The following GREB1L variants were observed in gnomAD, a reference collection of about 807,000 sequenced individuals.
GREB1L encodes GREB1-like protein.
GREB1L carries 17 observed loss-of-function variants against 200.8 expected under a neutral mutation model. The ratio of observed to expected loss-of-function variants is 0.08; its 90% CI spans 0.06 to 0.13. GREB1L has a LOEUF of 0.13. GREB1L is among the 10% of genes least tolerant of loss of function. GREB1L has a pLI of 1.00. For synonymous variants in GREB1L, 789 were observed against 893.0 expected, an observed-to-expected ratio of 0.88 and a Z score of 2.08; for missense variants, 1,657 against 2,367.7, an observed-to-expected ratio of 0.70 and a Z score of 6.23.
chr18:21,414,109 T>C (rs185643938), intron 7 of GREB1L, among the ~76,000 whole-genome samples: 174 of 152,266 alleles, frequency 1.1e-3, no homozygotes, highest in African/African-American at 4.0e-3. Context: ...AGTCAAGATA[T>C]TCACTGCAGT....
chr18:21,309,426 G>A (rs1472032181), intron 1 of GREB1L, among the ~76,000 whole-genome samples: 4 of 152,182 alleles, frequency 2.6e-5, no homozygotes, highest in Non-Finnish European at 5.9e-5. Flanking sequence ...GCATCATTAT[G>A]TGAGAGTGTT....
intron 1 of GREB1L, among the ~76,000 whole-genome samples, chr18:21,244,627 A>T (rs2037565964): frequency 6.6e-6 from 1 of 152,222 alleles, no homozygotes; most frequent in Admixed American, 6.5e-5. Flanking sequence ...GATGTTAGAC[A>T]GTGGGGCGAC....
At chr18:21,282,612 T>C (rs2038287765) in intron 1 of GREB1L, among the ~76,000 whole-genome samples, 1 of 152,134 alleles carries the variant, frequency 6.6e-6, no homozygotes, top group Non-Finnish European at 1.5e-5. Context: ...TACTTTTTTT[T>C]TTTTTGAGAC....
chr18:21,522,197 G>A (rs2037615125), intron 32 of GREB1L, among the ~76,000 whole-genome samples: 1 of 151,908 alleles, frequency 6.6e-6, no homozygotes, highest in Admixed American at 6.6e-5. Context: ...TTTGGGCTGG[G>A]CGCAGTGGCT....
intron 2 of GREB1L, among the ~76,000 whole-genome samples, chr18:21,373,101 T>C (rs1175380745): frequency 6.6e-6 from 1 of 152,082 alleles, no homozygotes; most frequent in Non-Finnish European, 1.5e-5. Context: ...GAATGCTTCC[T>C]AGGTGGTGAG....
At chr18:21,464,916 T>C (rs2035207564) in intron 15 of GREB1L, among the ~76,000 whole-genome samples, 1 of 152,228 alleles carries the variant, frequency 6.6e-6, no homozygotes, top group Admixed American at 6.5e-5. Flanking sequence ...TCAGGGAGGC[T>C]GTTGGTTATT....
intron 1 of GREB1L, among the ~76,000 whole-genome samples, chr18:21,293,872 C>T (rs1484876725): frequency 3.3e-5 from 5 of 152,108 alleles, no homozygotes; most frequent in Non-Finnish European, 4.4e-5. Context: ...TTCTGTCTCC[C>T]GGGTTCGAGT....
At chr18:21,393,201 C>T (rs1275219100) in intron 4 of GREB1L, among the ~76,000 whole-genome samples, 2 of 152,086 alleles carry the variant, frequency 1.3e-5, no homozygotes, top group Non-Finnish European at 2.9e-5. Context: ...CATGGTTTTT[C>T]CCTACTTTGT....
chr18:21,459,919 C>G (rs2034965626), intron 15 of GREB1L, among the ~76,000 whole-genome samples: 2 of 152,110 alleles, frequency 1.3e-5, no homozygotes, highest in African/African-American at 4.8e-5. Context: ...ATACCCAGCT[C>G]TCAGTACCTT....
At chr18:21,475,154 G>A (rs2035636986) in intron 16 of GREB1L, among the ~76,000 whole-genome samples, 1 of 152,146 alleles carries the variant, frequency 6.6e-6, no homozygotes, top group African/African-American at 2.4e-5. Context: ...AGATGAATGA[G>A]CTCCTGGAAG....
rs148437063 is a variant in GREB1L at position 21,305,121 on chromosome 18, G to A, written c.-119-60906G>A. ...CTCCCGAGTAGCTGGGACTACAGGTGCCCACCACCATGCCCAGATAATTTC... is the reference window on the plus strand; with the variant it reads ...CTCCCGAGTAGCTGGGACTACAGGTACCCACCACCATGCCCAGATAATTTC... On this transcript the variant is annotated intron_variant, in intron 1 of 32. Transcript: ENST00000424526. Among the ~76,000 whole-genome samples the A allele has an allele frequency of 3.2e-3, 480 of 151,960 alleles. 3 individuals are homozygous for A. Among genetic ancestry groups the A allele is most frequent in the Non-Finnish European group, 3.0e-3 (205 of 67,944 alleles).
At chr18:21,345,490 A>C (rs1391487614) in intron 1 of GREB1L, among the ~76,000 whole-genome samples, 1 of 152,188 alleles carries the variant, frequency 6.6e-6, no homozygotes, top group African/African-American at 2.4e-5. Context: ...GATTCCTGGC[A>C]CCATCACTTG....
intron 7 of GREB1L, among the ~76,000 whole-genome samples, chr18:21,437,117 CAG>C: frequency 6.6e-6 from 1 of 152,110 alleles, no homozygotes; most frequent in East Asian, 1.9e-4. Context: ...ATTGTAGAGA[CAG>C]TGTTTCCCCA....
intron 7 of GREB1L, among the ~76,000 whole-genome samples, chr18:21,430,469 C>T (rs980765015): frequency 2.7e-5 from 4 of 150,252 alleles, no homozygotes; most frequent in African/African-American, 4.9e-5. Context: ...ATTTCTGTTG[C>T]TGTCGATTGT....
At chr18:21,348,105 C>T (rs571202041) in intron 1 of GREB1L, among the ~76,000 whole-genome samples, 35 of 151,780 alleles carry the variant, frequency 2.3e-4, no homozygotes, top group African/African-American at 8.2e-4. Context: ...CCACCATGCC[C>T]GGCTAATTTT....
chr18:21,330,737 A>G (rs1360245436), intron 1 of GREB1L, among the ~76,000 whole-genome samples: 1 of 152,210 alleles, frequency 6.6e-6, no homozygotes, highest in African/African-American at 2.4e-5. Flanking sequence ...TGAGTCTGAA[A>G]AAAAAAATTT....
intron 1 of GREB1L, among the ~76,000 whole-genome samples, chr18:21,294,834 A>G (rs751586703): frequency 1.6e-4 from 25 of 152,150 alleles, no homozygotes; most frequent in Non-Finnish European, 3.2e-4. Context: ...GGAAGACACA[A>G]GGACTGGAGA....
chr18:21,405,064 G>A (rs546809172), intron 7 of GREB1L, among the ~76,000 whole-genome samples: 1 of 152,288 alleles, frequency 6.6e-6, no homozygotes, highest in South Asian at 2.1e-4. Flanking sequence ...TTTCTTTGGG[G>A]CATTTCTTGC....
rs2036997500 is a variant in GREB1L at position 21,505,959 on chromosome 18, C to T, written c.4368+10C>T. 6.5e-7 allele frequency: 1 copy of T among 1,549,348 alleles called. No individual in the cohort carries two copies. The highest frequency in any genetic ancestry group is 8.7e-7 in the Non-Finnish European group (1 of 1,145,474). ...CACCTCTGCCTCCCAGGTACCATCC[C>T]ACCTTCGCCCTCGCCCTCTGTCACC... On this transcript the variant is annotated intron_variant, in intron 25 of 32. Transcript: ENST00000424526.
Sources: allele counts gnomAD v4.1 joint callset (sites outside exome capture counted in the v4.1 genomes callset), GRCh38; gene constraint gnomAD v4.1.1; transcripts MANE v1.5; gene names NCBI Gene and HGNC (gene_info 2026-07-23, HGNC 2026-07-21).